Variants in TEKT4 observed in about 807,000 individuals in gnomAD.
TEKT4 encodes tektin 4.
In TEKT4, 46 loss-of-function variants were observed where a neutral mutation model predicts 46.0. That is an observed-to-expected ratio of 1.00 (90% CI 0.79 to 1.28). The LOEUF (loss-of-function observed/expected upper bound fraction) is 1.28, where lower values mean the gene tolerates loss of function less well. Ranked by LOEUF, TEKT4 falls within the 50% of genes most tolerant of loss-of-function variation. The probability of loss-of-function intolerance (pLI) is 0.00; values close to 1 mark genes in which losing one functional copy is unlikely to be tolerated. For synonymous variants in TEKT4, 325 were observed against 265.8 expected (o/e 1.22, Z -2.17); for missense variants, 790 against 622.9 (o/e 1.27, Z -2.85).
chr2:94,873,256 G>A lies in TEKT4; in HGVS notation c.499-264G>A, dbSNP rs1680659289. The A allele has an allele frequency of 5.2e-6, 7 of 1,339,052 alleles. No individual in the cohort carries two copies. In the South Asian group the frequency reaches 7.7e-5, roughly 15 times the overall value. 82.9% of individuals were successfully genotyped at this position (1,339,052 alleles called of 1,614,324 possible). A position where few individuals can be genotyped will look rare whatever the true frequency, so the allele number is the denominator to read the frequency against. ...CAGCAGCGATGACTCCTGAAGCCTGGGGCGTGGGAACTGCCGCTGAGGGAC... is the reference window on the plus strand; with the variant it reads ...CAGCAGCGATGACTCCTGAAGCCTGAGGCGTGGGAACTGCCGCTGAGGGAC... On this transcript the variant is annotated intron_variant, in intron 1 of 5. Coordinates refer to ENST00000295201, the MANE Select transcript of TEKT4 (RefSeq NM_144705.4).
In TEKT4 at chr2:94,872,792, T is replaced by A. The variant is rs1553395038; in HGVS notation, c.498+715T>A. The A allele has an allele frequency of 2.3e-6, 3 of 1,285,644 alleles. No homozygotes were observed. The Admixed American group carries it at 6.9e-5, about 30-fold the overall frequency. The allele number at this position is 1,285,644 out of a possible 1,614,324, so 79.6% of individuals were successfully genotyped here. A position where few individuals can be genotyped will look rare whatever the true frequency, so the allele number is the denominator to read the frequency against. ...TCCCTCCCTCCCCTCATGCCTTCCCTCCTCCCTTCTTTACCCTTCTGCAGG... is the reference window on the plus strand; with the variant it reads ...TCCCTCCCTCCCCTCATGCCTTCCCACCTCCCTTCTTTACCCTTCTGCAGG... On this transcript the variant is annotated intron_variant, in intron 1 of 5. Coordinates refer to ENST00000295201, the MANE Select transcript of TEKT4 (RefSeq NM_144705.4).
intron 1 of TEKT4, chr2:94,873,205 C>T (rs1203082806): frequency 4.0e-6 from 5 of 1,262,734 alleles, no homozygotes; most frequent in Non-Finnish European, 5.0e-6. Context: ...AAGGGCAGGC[C>T]AACGTTCCCA....
intron 4 of TEKT4, among the ~76,000 whole-genome samples, chr2:94,875,207 G>A (rs1553396040): frequency 6.6e-6 from 1 of 152,218 alleles, no homozygotes; most frequent in East Asian, 1.9e-4. Flanking sequence ...GGAGGATGGA[G>A]GCAGGAGGTG....
chr2:94,875,427 C>A (rs1680798511), intron 4 of TEKT4, 161 bp from the exon 5 acceptor site: 1 of 555,646 alleles, frequency 1.8e-6, no homozygotes, highest in South Asian at 7.9e-5. Context: ...CCACTGGGGG[C>A]CCCGTGCACA....
intron 5 of TEKT4, 137 bp from the exon 6 acceptor site, chr2:94,876,412 GCTTT>G (rs1263045866): frequency 2.9e-6 from 2 of 692,062 alleles, no homozygotes; most frequent in African/African-American, 3.6e-5. Context: ...CCCTAGAGCT[GCTTT>G]CCTGATGGGG....
intron 1 of TEKT4, chr2:94,872,759 C>T: frequency 8.0e-7 from 1 of 1,243,794 alleles, no homozygotes; most frequent in Non-Finnish European, 1.1e-6. Context: ...CAGGCAAGAA[C>T]CCTTGAGTCC....
intron 4 of TEKT4, 66 bp from the exon 5 acceptor site, chr2:94,875,522 T>C (rs1295462405): frequency 6.3e-7 from 1 of 1,599,122 alleles, no homozygotes; most frequent in East Asian, 2.2e-5. Context: ...AGGACCAGCC[T>C]GGTCTCGGCG....
chr2:94,875,365 G>C (rs1680796051), intron 4 of TEKT4, among the ~76,000 whole-genome samples: 2 of 152,166 alleles, frequency 1.3e-5, no homozygotes, highest in African/African-American at 4.8e-5. Context: ...ACCAAGGATG[G>C]GGGTTCTTGG....
At chr2:94,875,031 T>C (rs781976314) in intron 4 of TEKT4, 33 bp downstream of exon 4, 104 of 1,548,298 alleles carry the variant, frequency 6.7e-5, no homozygotes, top group Non-Finnish European at 8.9e-5. Context: ...GACGGCCCCC[T>C]CTCATCACCT....
intron 5 of TEKT4, 118 bp from the exon 6 acceptor site, chr2:94,876,435 T>C (rs1311371043): frequency 1.5e-5 from 12 of 807,886 alleles, no homozygotes; most frequent in Non-Finnish European, 2.4e-5. Flanking sequence ...GGTTCTTTCA[T>C]GGAGTCTTCC....
intron 3 of TEKT4, 130 bp from the exon 4 acceptor site, chr2:94,874,646 A>C: frequency 2.4e-6 from 2 of 830,758 alleles, no homozygotes; most frequent in Non-Finnish European, 3.7e-6. Flanking sequence ...GTGGGGCAGC[A>C]TGGGGTGCAT....
In TEKT4 at chr2:94,874,764, C is replaced by G. The variant is rs782361773; in HGVS notation, c.714-12C>G. Reference sequence around the variant, plus strand: ...CTCCCCGACCCTCTCCTGGCTGTCCCCCGCCCCGCAGCGCCTCCACCCCGG... The same window carrying G: ...CTCCCCGACCCTCTCCTGGCTGTCCGCCGCCCCGCAGCGCCTCCACCCCGG... On this transcript the variant is annotated splice_polypyrimidine_tract_variant and intron_variant, in intron 3 of 5. Coordinates refer to ENST00000295201, the MANE Select transcript of TEKT4 (RefSeq NM_144705.4). 6.4e-7 allele frequency: 1 copy of G among 1,551,574 alleles called. No individual in the cohort carries two copies. Among genetic ancestry groups the G allele is most frequent in the East Asian group, 2.4e-5 (1 of 42,016 alleles).
At chr2:94,874,219 C>T (rs1398529047) in intron 3 of TEKT4, 111 bp downstream of exon 3, 102 of 1,244,206 alleles carry the variant, frequency 8.2e-5, no homozygotes, top group Non-Finnish European at 1.1e-4. Flanking sequence ...CCCTCGCCCC[C>T]GAGGGCACTT....
chr2:94,875,529 G>T, intron 4 of TEKT4, 59 bp from the exon 5 acceptor site: 1 of 1,604,556 alleles, frequency 6.2e-7, no homozygotes, highest in South Asian at 1.1e-5. Flanking sequence ...GCCTGGTCTC[G>T]GCGTTCTATA....
At position 94,874,031 on chromosome 2, in the gene TEKT4, C is replaced by T. The variant is rs186821220; in HGVS notation, c.636C>T (p.Ile212=). 3.5e-5 allele frequency: 57 copies of T among 1,613,648 alleles called. No homozygotes were observed. The highest frequency in any genetic ancestry group is 1.7e-4 in the Admixed American group (10 of 60,028). Reference sequence around the variant, plus strand: ...CAGACAAGATGGAGGCCTACAACATCGACGAGACCTGCGGGCGCCACCACA... The same window carrying T: ...CAGACAAGATGGAGGCCTACAACATTGACGAGACCTGCGGGCGCCACCACA... The part of the protein sequence containing the change: ...DWSDKMEAYN[I]DETCGRHHSQ... Residue 212 remains isoleucine (I), a synonymous_variant, in exon 3 of 6, where the codon ATC becomes ATT. Coordinates refer to ENST00000295201, the MANE Select transcript of TEKT4 (RefSeq NM_144705.4).
rs539459423 is a variant in TEKT4, at chr2:94,872,752, G to C, written c.498+675G>C. On this transcript the variant is annotated intron_variant, in intron 1 of 5. Coordinates refer to ENST00000295201, the MANE Select transcript of TEKT4 (RefSeq NM_144705.4). ...GTCTCCTGCCATACCCCAAGCTCAG[G>C]CAAGAACCCTTGAGTCCCTCCCTCC... 298 of 1,223,220 alleles carry C rather than the reference G, an allele frequency of 2.4e-4. 3 individuals are homozygous for C. The South Asian group carries it at 3.3e-3, about 14-fold the overall frequency. The allele number at this position is 1,223,220 out of a possible 1,614,324, so 75.8% of individuals were successfully genotyped here. A position where few individuals can be genotyped will look rare whatever the true frequency, so the allele number is the denominator to read the frequency against.
In TEKT4 at chr2:94,873,602, G is replaced by A. The variant is rs781975681; in HGVS notation, c.569+12G>A. The A allele has an allele frequency of 7.4e-6, 12 of 1,613,502 alleles. No individual in the cohort carries two copies. The highest frequency in any genetic ancestry group is 1.0e-5 in the Non-Finnish European group (12 of 1,179,926). ...GTGAGCCAGATCCGGTGGGTAGAGG[G>A]CTGCCCAAGGGATGATTCCTGACCC... On this transcript the variant is annotated intron_variant, in intron 2 of 5. Transcript: ENST00000295201.
intron 2 of TEKT4, among the ~76,000 whole-genome samples, 158 bp from the exon 3 acceptor site, chr2:94,873,807 C>T (rs111894950): frequency 2.0e-5 from 3 of 152,126 alleles, no homozygotes; most frequent in Non-Finnish European, 2.9e-5. Flanking sequence ...CAGCCTGGGC[C>T]GCAGCTCCTG....
chr2:94,876,591 C>T lies in TEKT4; in HGVS notation c.1130C>T (p.Thr377Ile). 5 of 1,611,716 alleles carry T rather than the reference C, an allele frequency of 3.1e-6. No homozygotes were observed. The highest frequency in any genetic ancestry group is 4.2e-6 in the Non-Finnish European group (5 of 1,179,492). Residue 377 changes from threonine to isoleucine, a missense_variant, in exon 6 of 6, where the codon ACA becomes ATA. Transcript: ENST00000295201. ...SEVEELNMSL[T>I]ALREKLLEAE... is the part of the protein sequence containing the mutation. ...GTGGAGGAGCTGAACATGTCCCTCA[C>T]AGCACTGCGAGAGAAGCTTCTAGAA...
Sources: allele counts gnomAD v4.1 joint callset (sites outside exome capture counted in the v4.1 genomes callset), GRCh38; gene constraint gnomAD v4.1.1; transcripts MANE v1.5; gene names NCBI Gene and HGNC (gene_info 2026-07-23, HGNC 2026-07-21).